CDH12: variants seen among roughly 807,000 people sequenced by gnomAD.
CDH12 encodes the protein cadherin 12.
CDH12 carries 41 observed loss-of-function variants against 74.1 expected under a neutral mutation model. The observed-to-expected ratio is 0.55, with a 90% CI of 0.43 to 0.72. CDH12 has a LOEUF of 0.72. Ranked by LOEUF, CDH12 falls within the 30% of genes least tolerant of loss-of-function variation. The pLI is 0.00. For synonymous variants in CDH12, 399 were observed against 355.0 expected, an observed-to-expected ratio of 1.12 and a Z score of -1.39; for missense variants, 945 against 977.2, an observed-to-expected ratio of 0.97 and a Z score of 0.44.
chr5:21,984,179 T>C (rs1013105388), intron 5 of CDH12, among the ~76,000 whole-genome samples: 1 of 152,172 alleles, frequency 6.6e-6, no homozygotes, highest in Non-Finnish European at 1.5e-5. Context: ...AGTTTTGGCC[T>C]AGAATGAATA....
chr5:22,602,162 G>C (rs1350012161), intron 1 of CDH12, among the ~76,000 whole-genome samples: 1 of 152,122 alleles, frequency 6.6e-6, no homozygotes, highest in East Asian at 1.9e-4. Context: ...AAAGAGAAAA[G>C]CTTGTGAAAT....
At chr5:22,507,352 T>C (rs1736431152) in intron 1 of CDH12, among the ~76,000 whole-genome samples, 1 of 152,082 alleles carries the variant, frequency 6.6e-6, no homozygotes, top group African/African-American at 2.4e-5. Context: ...AAAAATGTAA[T>C]TTTTAATGAA....
intron 1 of CDH12, among the ~76,000 whole-genome samples, chr5:22,660,626 C>G (rs1291931581): frequency 6.6e-6 from 1 of 152,164 alleles, no homozygotes. Flanking sequence ...CCATGTTGCA[C>G]AGGCTGGTCT....
intron 5 of CDH12, among the ~76,000 whole-genome samples, chr5:22,031,920 G>T (rs1249100906): frequency 6.7e-6 from 1 of 150,072 alleles, no homozygotes; most frequent in Non-Finnish European, 1.5e-5. Context: ...ACCAAAACGT[G>T]ACACAAACAC....
At chr5:21,813,643 T>G (rs1040917555) in intron 9 of CDH12, among the ~76,000 whole-genome samples, 1 of 152,174 alleles carries the variant, frequency 6.6e-6, no homozygotes, top group Admixed American at 6.6e-5. Context: ...CCCTCTTCCT[T>G]CACTTCATTC....
chr5:21,772,510 T>C (rs1314270788), intron 11 of CDH12, among the ~76,000 whole-genome samples: 3 of 152,194 alleles, frequency 2.0e-5, no homozygotes, highest in Admixed American at 6.6e-5. Flanking sequence ...CTTCTTACTA[T>C]TGATCCACCG....
chr5:22,750,034 T>C (rs189754820), intron 1 of CDH12, among the ~76,000 whole-genome samples: 167 of 152,322 alleles, frequency 1.1e-3, no homozygotes, highest in Non-Finnish European at 1.9e-3. Flanking sequence ...TGGTAAGACA[T>C]CATTCCTAAT....
chr5:22,193,769 C>T (rs1750441185), intron 4 of CDH12, among the ~76,000 whole-genome samples: 1 of 151,804 alleles, frequency 6.6e-6, no homozygotes, highest in South Asian at 2.1e-4. Flanking sequence ...GCTGAGTCAT[C>T]AGACTCCACT....
At chr5:22,001,161 ATACACT>A (rs1736580240) in intron 5 of CDH12, among the ~76,000 whole-genome samples, 2 of 152,292 alleles carry the variant, frequency 1.3e-5, no homozygotes, top group Middle Eastern at 3.4e-3. Flanking sequence ...AGACAATGAG[ATACACT>A]ATCTTTGATT....
intron 6 of CDH12, among the ~76,000 whole-genome samples, chr5:21,959,924 C>CAA (rs1201352707): frequency 0.015 from 746 of 49,518 alleles, 17 homozygotes; most frequent in African/African-American, 0.043. Context: ...GGCTCCATCT[C>CAA]AAAAAAAAAA....
At chr5:22,112,189 A>G (rs78921025) in intron 4 of CDH12, among the ~76,000 whole-genome samples, 1,793 of 152,208 alleles carry the variant, frequency 0.012, 27 homozygotes, top group African/African-American at 0.041. Flanking sequence ...AACTGAATAC[A>G]TTTCCTGACT....
intron 3 of CDH12, among the ~76,000 whole-genome samples, chr5:22,275,760 A>T (rs1161907178): frequency 6.6e-6 from 1 of 152,184 alleles, no homozygotes; most frequent in Non-Finnish European, 1.5e-5. Flanking sequence ...AAGTCATAGA[A>T]AACTATACAT....
At chr5:22,305,126 C>G (rs1466817021) in intron 3 of CDH12, among the ~76,000 whole-genome samples, 2 of 151,884 alleles carry the variant, frequency 1.3e-5, no homozygotes, top group African/African-American at 4.8e-5. Context: ...ATAAAAGGTA[C>G]TTTGGATTTG....
chr5:21,997,290 G>T (rs144605516), intron 5 of CDH12, among the ~76,000 whole-genome samples: 5,025 of 152,110 alleles, frequency 0.033, 259 homozygotes, highest in African/African-American at 0.11. Flanking sequence ...CAATGAAAAA[G>T]AATACTGTTC....
chr5:21,785,942 G>C (rs553526659), intron 10 of CDH12, among the ~76,000 whole-genome samples: 1 of 152,312 alleles, frequency 6.6e-6, no homozygotes, highest in East Asian at 1.9e-4. Flanking sequence ...CAAAGCTAGA[G>C]AGAAGTCAAT....
At chr5:22,665,076 T>A (rs1221831716) in intron 1 of CDH12, among the ~76,000 whole-genome samples, 1 of 152,132 alleles carries the variant, frequency 6.6e-6, no homozygotes. Context: ...CTCCTCAGCC[T>A]CTTGAGTATC....
intron 1 of CDH12, among the ~76,000 whole-genome samples, chr5:22,767,320 CATT>C (rs1276152782): frequency 2.0e-5 from 3 of 151,910 alleles, no homozygotes; most frequent in African/African-American, 7.2e-5. Context: ...TGGATATAAA[CATT>C]ATATTATTAA....
chr5:22,690,253 A>ATTAATTAAATT (rs1742013932), intron 1 of CDH12, among the ~76,000 whole-genome samples: 1 of 152,114 alleles, frequency 6.6e-6, no homozygotes, highest in Admixed American at 6.5e-5. Flanking sequence ...TGAATCTTCT[A>ATTAATTAAATT]AATTAAATCT....
intron 5 of CDH12, among the ~76,000 whole-genome samples, chr5:22,033,448 G>A (rs529042464): frequency 9.2e-5 from 14 of 152,204 alleles, no homozygotes; most frequent in African/African-American, 1.7e-4. Context: ...TATTCATACC[G>A]GAAAGGACAC....
Sources: gnomAD v4.1 joint callset for allele counts (sites outside exome capture counted in the v4.1 genomes callset) on GRCh38, gnomAD v4.1.1 for gene constraint, MANE v1.5 for transcripts, NCBI Gene and HGNC (gene_info 2026-07-23, HGNC 2026-07-21) for gene names.